The following KIF18A variants were observed in gnomAD, a reference collection of about 807,000 sequenced individuals.
KIF18A encodes kinesin family member 18A, also known as kinesin-like protein KIF18A.
KIF18A carries 67 observed loss-of-function variants against 103.3 expected under a neutral mutation model. The observed-to-expected ratio is 0.65, with a 90% confidence interval of 0.53 to 0.79. The LOEUF is 0.79. KIF18A is among the 30% of genes least tolerant of loss of function. The pLI, the probability that KIF18A is intolerant of heterozygous loss-of-function variation, is 0.00. For missense variants in KIF18A, 1,032 were observed against 1,062.5 expected, an observed-to-expected ratio of 0.97 and a Z score of 0.40; for synonymous variants, 367 against 355.5, an observed-to-expected ratio of 1.03 and a Z score of -0.36.
chr11:28,076,955 A>T, intron 10 of KIF18A, 52 bp downstream of exon 10: 3 of 847,136 alleles, frequency 3.5e-6, no homozygotes, highest in Non-Finnish European at 5.0e-6. Flanking sequence ...AAAAAAAAAA[A>T]GCCCCCATGT....
chr11:28,023,146 A>G (rs1174363945), intron 16 of KIF18A, among the ~76,000 whole-genome samples: 5 of 152,164 alleles, frequency 3.3e-5, no homozygotes, highest in African/African-American at 9.7e-5. Flanking sequence ...GGCATGATAC[A>G]CCACTAGTTT....
intron 13 of KIF18A, among the ~76,000 whole-genome samples, chr11:28,047,185 T>C (rs556845217): frequency 2.6e-5 from 4 of 151,830 alleles, no homozygotes; most frequent in Admixed American, 2.6e-4. Context: ...TTCCTAAGGA[T>C]AGTTTTAAGA....
chr11:28,057,621 A>T (rs1232147985), intron 13 of KIF18A, among the ~76,000 whole-genome samples: 2 of 152,162 alleles, frequency 1.3e-5, no homozygotes, highest in Non-Finnish European at 2.9e-5. Flanking sequence ...TCTCATGGGT[A>T]CTAAGTACAG....
At chr11:28,072,234 C>T (rs1414131873) in intron 10 of KIF18A, among the ~76,000 whole-genome samples, 2 of 152,134 alleles carry the variant, frequency 1.3e-5, no homozygotes, top group Non-Finnish European at 2.9e-5. Context: ...TGCGAGAGAA[C>T]AAACATAATT....
chr11:28,074,546 T>C (rs1851064455), intron 10 of KIF18A, among the ~76,000 whole-genome samples: 1 of 152,140 alleles, frequency 6.6e-6, no homozygotes, highest in Admixed American at 6.6e-5. Context: ...ATTACTAATT[T>C]TGATAATATA....
intron 9 of KIF18A, among the ~76,000 whole-genome samples, chr11:28,079,617 C>T (rs1432239586): frequency 6.6e-6 from 1 of 152,072 alleles, no homozygotes; most frequent in Non-Finnish European, 1.5e-5. Flanking sequence ...GTTGGTTTCT[C>T]ATACTAATAA....
At chr11:28,107,710 T>G (rs1194304733) in intron 1 of KIF18A, among the ~76,000 whole-genome samples, 1 of 152,122 alleles carries the variant, frequency 6.6e-6, no homozygotes, top group East Asian at 1.9e-4. Context: ...CACTCCCAAT[T>G]TGGAGTCCGG....
intron 13 of KIF18A, among the ~76,000 whole-genome samples, chr11:28,039,601 C>T (rs1850534494): frequency 6.6e-6 from 1 of 151,704 alleles, no homozygotes; most frequent in Non-Finnish European, 1.5e-5. Context: ...AAATCACAGT[C>T]TTCTGGTAGA....
chr11:28,037,360 A>AAAAC (rs769282960), intron 13 of KIF18A, among the ~76,000 whole-genome samples: 19 of 151,728 alleles, frequency 1.3e-4, no homozygotes, highest in Non-Finnish European at 8.9e-5. Flanking sequence ...AAATATTCAC[A>AAAAC]AAACAAACAA....
At chr11:28,052,166 T>C (rs548597755) in intron 13 of KIF18A, among the ~76,000 whole-genome samples, 1 of 152,240 alleles carries the variant, frequency 6.6e-6, no homozygotes, top group Admixed American at 6.5e-5. Context: ...TGGGTTATTC[T>C]AGTGCCTCCT....
Position 28,101,879 on chromosome 11 carries a change from G to A in KIF18A, c.-46-3886C>T, listed in dbSNP as rs183714340. Among the ~76,000 whole-genome samples the A allele has an allele frequency of 8.0e-4, 122 of 152,008 alleles. 1 individual carries two copies. The highest frequency in any genetic ancestry group is 3.4e-3 in the Middle Eastern group (1 of 294). ...GGACTAAACTCTGATTTTTTATTTT[G>A]CCCAAATTCCTATCTAAGGGGTCTG... On this transcript the variant is annotated intron_variant, in intron 1 of 16. Transcript: ENST00000263181.
intron 15 of KIF18A, among the ~76,000 whole-genome samples, chr11:28,033,049 C>T (rs1175259322): frequency 6.6e-6 from 1 of 151,270 alleles, no homozygotes; most frequent in African/African-American, 2.4e-5. Flanking sequence ...TTAAAATGGG[C>T]AAAAGAATAG....
At chr11:28,047,759 A>G (rs1565075379) in intron 13 of KIF18A, among the ~76,000 whole-genome samples, 1 of 152,184 alleles carries the variant, frequency 6.6e-6, no homozygotes, top group Non-Finnish European at 1.5e-5. Context: ...CACAGACTCA[A>G]AAATATGAAT....
intron 5 of KIF18A, among the ~76,000 whole-genome samples, chr11:28,090,347 G>T (rs1442063912): frequency 6.6e-6 from 1 of 152,148 alleles, no homozygotes; most frequent in South Asian, 2.1e-4. Context: ...TTATTGGAAA[G>T]ATTAAATATT....
intron 13 of KIF18A, among the ~76,000 whole-genome samples, chr11:28,058,563 G>C (rs1383311779): frequency 7.0e-6 from 1 of 143,022 alleles, no homozygotes; most frequent in Admixed American, 7.1e-5. Flanking sequence ...TTGTGGGGCT[G>C]AAGTGGAAGG....
At chr11:28,095,121 T>G (rs943418759) in intron 2 of KIF18A, among the ~76,000 whole-genome samples, 3 of 152,344 alleles carry the variant, frequency 2.0e-5, no homozygotes, top group Middle Eastern at 3.4e-3. Context: ...TAGTCATCTT[T>G]ATGAAAAAGA....
rs372042744 is a variant in KIF18A, at chr11:28,076,305, C to A, written c.1425+702G>T. On this transcript the variant is annotated intron_variant, in intron 10 of 16. Coordinates refer to ENST00000263181, the MANE Select transcript of KIF18A (RefSeq NM_031217.4). ...TTTCAGTGATAAAATTCTTCTCTGA[C>A]AACAAAAATCTCCTGTTGGTCTAAG... Among the ~76,000 whole-genome samples the A allele has an allele frequency of 6.6e-4, 100 of 152,278 alleles. 1 individual carries two copies. The highest frequency in any genetic ancestry group is 2.3e-3 in the African/African-American group (96 of 41,568).
intron 13 of KIF18A, among the ~76,000 whole-genome samples, chr11:28,042,753 C>A (rs1254267505): frequency 6.6e-6 from 1 of 151,696 alleles, no homozygotes; most frequent in Admixed American, 6.6e-5. Context: ...AAAGTGATAA[C>A]CTGAATAGAG....
rs568359390 is a variant in KIF18A, at chr11:28,105,164, C to T, written c.-47+2900G>A. Among the ~76,000 whole-genome samples, 52 of 152,276 alleles carry T rather than the reference C, an allele frequency of 3.4e-4. No homozygotes were observed. In the South Asian group the frequency reaches 9.5e-3, roughly 28 times the overall value. On this transcript the variant is annotated intron_variant, in intron 1 of 16. Coordinates refer to ENST00000263181, the MANE Select transcript of KIF18A (RefSeq NM_031217.4). Reference sequence around the variant, plus strand: ...AACAATTGACATACTCTTACTAAATCGTCATAACAACCTATGACATAAACC... The same window carrying T: ...AACAATTGACATACTCTTACTAAATTGTCATAACAACCTATGACATAAACC...
Sources: allele counts gnomAD v4.1 joint callset (sites outside exome capture counted in the v4.1 genomes callset), GRCh38; gene constraint gnomAD v4.1.1; transcripts MANE v1.5; gene names NCBI Gene and HGNC (gene_info 2026-07-23, HGNC 2026-07-21).